The following DGKB variants were observed in gnomAD, a reference collection of about 807,000 sequenced individuals.
The protein encoded by DGKB is diacylglycerol kinase beta, also known as 90 kDa diacylglycerol kinase.
In DGKB, 67 loss-of-function variants were observed where a neutral mutation model predicts 114.3. The observed-to-expected ratio is 0.59, with a 90% CI of 0.48 to 0.72. The LOEUF (loss-of-function observed/expected upper bound fraction) is 0.72. Among genes scored for constraint, DGKB ranks in the 30% least tolerant of loss-of-function variants. The pLI is 0.00. For missense variants in DGKB, 907 were observed against 975.2 expected (o/e 0.93, Z 0.93); for synonymous variants, 398 against 323.1 (o/e 1.23, Z -2.49).
intron 20 of DGKB, among the ~76,000 whole-genome samples, chr7:14,502,218 A>G (rs1786304825): frequency 6.6e-6 from 1 of 152,040 alleles, no homozygotes; most frequent in African/African-American, 2.4e-5. Flanking sequence ...ACCAGCTTTC[A>G]CATAAGAAGT....
intron 13 of DGKB, among the ~76,000 whole-genome samples, chr7:14,653,171 C>A (rs938890242): frequency 1.3e-5 from 2 of 148,778 alleles, no homozygotes; most frequent in South Asian, 4.3e-4. Flanking sequence ...ACCCAAAGGA[C>A]TATAAATCAT....
At chr7:14,704,931 C>A (rs1242933056) in intron 6 of DGKB, among the ~76,000 whole-genome samples, 3 of 152,198 alleles carry the variant, frequency 2.0e-5, no homozygotes, top group African/African-American at 4.8e-5. Flanking sequence ...TCCAAAGGAA[C>A]GCAGCTCCTC....
intron 21 of DGKB, among the ~76,000 whole-genome samples, chr7:14,416,657 C>A (rs1825775794): frequency 6.6e-6 from 1 of 152,114 alleles, no homozygotes; most frequent in African/African-American, 2.4e-5. Context: ...ACACCTTTCA[C>A]TTGGCTCTCA....
At chr7:14,935,797 C>G (rs185671468) in intron 1 of DGKB, among the ~76,000 whole-genome samples, 23 of 151,980 alleles carry the variant, frequency 1.5e-4, no homozygotes, top group South Asian at 2.1e-4. Flanking sequence ...CTCCCAAAAA[C>G]CTCATGGAAC....
At chr7:14,709,564 C>G (rs1326417974) in intron 6 of DGKB, among the ~76,000 whole-genome samples, 10 of 132,846 alleles carry the variant, frequency 7.5e-5, no homozygotes, top group Admixed American at 5.0e-4. Flanking sequence ...TTGGAACCAA[C>G]CCAAATGTCC....
At chr7:14,188,427 G>A (rs979544309) in intron 23 of DGKB, among the ~76,000 whole-genome samples, 1 of 120,608 alleles carries the variant, frequency 8.3e-6, no homozygotes, top group African/African-American at 2.9e-5. Flanking sequence ...TTGGGAGGCC[G>A]AGGCGGGCGG....
intron 23 of DGKB, among the ~76,000 whole-genome samples, chr7:14,236,474 C>A (rs1231797285): frequency 6.6e-6 from 1 of 151,736 alleles, no homozygotes; most frequent in Non-Finnish European, 1.5e-5. Flanking sequence ...AGAAAAAAAA[C>A]TTGAAACAAC....
intron 2 of DGKB, among the ~76,000 whole-genome samples, chr7:14,758,561 C>G (rs1835218140): frequency 1.3e-5 from 2 of 151,892 alleles, no homozygotes. Flanking sequence ...ATGAAAAAAC[C>G]TCAAAATTAA....
At chr7:14,184,226 C>T (rs1200810145) in intron 23 of DGKB, among the ~76,000 whole-genome samples, 1 of 152,148 alleles carries the variant, frequency 6.6e-6, no homozygotes, top group African/African-American at 2.4e-5. Flanking sequence ...GGGGGTAAAA[C>T]TCCACAGGGA....
At chr7:14,336,463 C>T (rs543584627) in intron 23 of DGKB, among the ~76,000 whole-genome samples, 3 of 152,192 alleles carry the variant, frequency 2.0e-5, no homozygotes, top group African/African-American at 7.2e-5. Flanking sequence ...ACCTTTGAAA[C>T]CTCTCTGAGC....
At chr7:14,238,529 AC>A (rs1212929700) in intron 23 of DGKB, among the ~76,000 whole-genome samples, 3 of 152,188 alleles carry the variant, frequency 2.0e-5, no homozygotes, top group Admixed American at 2.0e-4. Context: ...TTTCCAGGCT[AC>A]ATTTTGGGCT....
intron 19 of DGKB, among the ~76,000 whole-genome samples, chr7:14,576,143 GGTA>G (rs1332119523): frequency 1.3e-5 from 2 of 151,988 alleles, no homozygotes; most frequent in Non-Finnish European, 2.9e-5. Flanking sequence ...TATTCAGGGT[GGTA>G]TGGCCATAGA....
intron 7 of DGKB, 124 bp from the exon 8 acceptor site, chr7:14,698,293 T>C (rs1034520516): frequency 1.8e-5 from 11 of 601,980 alleles, no homozygotes; most frequent in Admixed American, 3.7e-5. Context: ...TATGGGAATA[T>C]ATATATGTAC....
chr7:14,226,640 T>G (rs972005044), intron 23 of DGKB, among the ~76,000 whole-genome samples: 3 of 152,056 alleles, frequency 2.0e-5, no homozygotes, highest in African/African-American at 7.2e-5. Flanking sequence ...ATAATTATCT[T>G]ATGATTCATA....
intron 19 of DGKB, among the ~76,000 whole-genome samples, chr7:14,578,206 G>A (rs993916929): frequency 2.0e-5 from 3 of 152,122 alleles, no homozygotes; most frequent in Admixed American, 6.6e-5. Context: ...TCACCTTCAC[G>A]ATTGTAAGTT....
At chr7:14,474,527 T>C (rs976517069) in intron 21 of DGKB, among the ~76,000 whole-genome samples, 1 of 152,244 alleles carries the variant, frequency 6.6e-6, no homozygotes, top group Non-Finnish European at 1.5e-5. Context: ...CAATGTTACA[T>C]AGTTTTACAC....
intron 2 of DGKB, among the ~76,000 whole-genome samples, chr7:14,815,450 C>T (rs1037143459): frequency 6.6e-6 from 1 of 152,224 alleles, no homozygotes; most frequent in Non-Finnish European, 1.5e-5. Context: ...GGGGAACTCA[C>T]ACATCCTTGC....
chr7:14,892,408 A>T (rs1016094655), intron 1 of DGKB, among the ~76,000 whole-genome samples: 10 of 151,364 alleles, frequency 6.6e-5, no homozygotes, highest in African/African-American at 2.4e-4. Context: ...CAGACCTCTA[A>T]ATCAGAAAGA....
intron 15 of DGKB, among the ~76,000 whole-genome samples, chr7:14,616,118 C>T (rs926565604): frequency 2.0e-5 from 3 of 149,972 alleles, no homozygotes; most frequent in East Asian, 1.9e-4. Flanking sequence ...GAGTAAGTTG[C>T]CAAAATTCTA....
Sources: allele counts gnomAD v4.1 joint callset (sites outside exome capture counted in the v4.1 genomes callset), GRCh38; gene constraint gnomAD v4.1.1; transcripts MANE v1.5; gene names NCBI Gene and HGNC (gene_info 2026-07-23, HGNC 2026-07-21).